The following P2RY12 variants were observed in gnomAD, a reference collection of about 807,000 sequenced individuals.
P2RY12 encodes purinergic receptor P2Y12, also known as P2Y purinoceptor 12.
In P2RY12, 3 loss-of-function variants were observed where a neutral mutation model predicts 4.5. The ratio of observed to expected loss-of-function variants is 0.67; its 90% CI spans 0.31 to 1.74. P2RY12 has a LOEUF of 1.74. P2RY12 is among the 40% of genes most tolerant of loss of function. P2RY12 has a pLI of 0.09. For synonymous variants in P2RY12, 148 were observed against 154.1 expected, an observed-to-expected ratio of 0.96 and a Z score of 0.29; for missense variants, 356 against 407.8, an observed-to-expected ratio of 0.87 and a Z score of 1.09.
chr3:151,380,751 C>G (rs1712159293), intron 1 of P2RY12, among the ~76,000 whole-genome samples: 1 of 152,170 alleles, frequency 6.6e-6, no homozygotes, highest in African/African-American at 2.4e-5. Context: ...TGTGTACTGC[C>G]TATAAAAGTA....
intron 1 of P2RY12, among the ~76,000 whole-genome samples, chr3:151,348,674 TTGTAA>T (rs1327579304): frequency 2.0e-5 from 3 of 152,072 alleles, no homozygotes; most frequent in African/African-American, 7.2e-5. Flanking sequence ...TGTTTATTTC[TTGTAA>T]TGTATAATAA....
intron 1 of P2RY12, among the ~76,000 whole-genome samples, chr3:151,373,597 A>G (rs1370894413): frequency 6.6e-6 from 1 of 151,116 alleles, no homozygotes; most frequent in Non-Finnish European, 1.5e-5. Flanking sequence ...TCCCTTCATA[A>G]TATCAGTTTG....
At chr3:151,353,399 T>C (rs997337152) in intron 1 of P2RY12, among the ~76,000 whole-genome samples, 1 of 152,220 alleles carries the variant, frequency 6.6e-6, no homozygotes, top group Admixed American at 6.5e-5. Flanking sequence ...CTTTTGAGAA[T>C]AGACATTGAA....
chr3:151,377,901 G>C (rs372555916), intron 1 of P2RY12: 1 of 1,061,194 alleles, frequency 9.4e-7, no homozygotes, highest in Non-Finnish European at 1.3e-6. Flanking sequence ...GGAAATTTTA[G>C]AACAGTCTGT....
rs759605986 is a variant in P2RY12, at chr3:151,338,171, A to C, written c.675T>G (p.Gly225=). ...CCTTTTTCCTGGGGACTTTACCTAC[A>C]CCCCTCGTTCTTACGTATGACCGGT... ...ELYRSYVRTR[G]VGKVPRKKVN... The change falls in exon 3 of 3, where the codon GGT becomes GGG. Residue 225 remains glycine (G), a synonymous_variant. Transcript: ENST00000302632. The C allele has an allele frequency of 6.2e-7, 1 of 1,613,868 alleles. No homozygotes were observed. The highest frequency in any genetic ancestry group is 1.3e-5 in the African/African-American group (1 of 74,886).
intron 1 of P2RY12, among the ~76,000 whole-genome samples, chr3:151,342,300 C>T (rs1751957155): frequency 6.6e-6 from 1 of 152,366 alleles, no homozygotes; most frequent in African/African-American, 2.4e-5. Context: ...GTGTCTCAAA[C>T]TGCAGTGTCC....
At chr3:151,383,695 C>A in intron 1 of P2RY12, 1 of 818,688 alleles carries the variant, frequency 1.2e-6, no homozygotes, top group Non-Finnish European at 1.9e-6. Context: ...AAATAAAAAA[C>A]AATCAAAATT....
rs939889566 is a variant in P2RY12, at chr3:151,360,699, C to T, written c.-179-19939G>A. On this transcript the variant is annotated intron_variant, in intron 1 of 2. Transcript: ENST00000302632. ...TTGTCATCCTTTTGAATAATGAAAGCTAATTGCAATTGTATCTATTAGGCA... is the reference window on the plus strand; with the variant it reads ...TTGTCATCCTTTTGAATAATGAAAGTTAATTGCAATTGTATCTATTAGGCA... 7.5e-6 allele frequency: 9 copies of T among 1,194,988 alleles called. No individual in the cohort carries two copies. In the Admixed American group the frequency reaches 2.1e-4, roughly 28 times the overall value. The allele number at this position is 1,194,988 out of a possible 1,614,324, so 74.0% of individuals were successfully genotyped here. A position where few individuals can be genotyped will look rare whatever the true frequency, so the allele number is the denominator to read the frequency against.
At chr3:151,367,781 A>G in intron 1 of P2RY12, 1 of 1,595,350 alleles carries the variant, frequency 6.3e-7, no homozygotes, top group African/African-American at 1.3e-5. Flanking sequence ...GGCAGCATCC[A>G]TGAACATCCG....
intron 1 of P2RY12, among the ~76,000 whole-genome samples, chr3:151,343,398 T>G (rs1752121959): frequency 6.6e-6 from 1 of 152,220 alleles, no homozygotes. Flanking sequence ...GTTCTTGATC[T>G]AAATTAACTT....
At chr3:151,382,223 C>G (rs951630895) in intron 1 of P2RY12, among the ~76,000 whole-genome samples, 1 of 152,024 alleles carries the variant, frequency 6.6e-6, no homozygotes, top group Non-Finnish European at 1.5e-5. Flanking sequence ...GATAGCAGAC[C>G]TTCTCTTCTA....
At chr3:151,341,789 C>T (rs1751867491) in intron 1 of P2RY12, among the ~76,000 whole-genome samples, 1 of 148,864 alleles carries the variant, frequency 6.7e-6, no homozygotes, top group African/African-American at 2.5e-5. Flanking sequence ...CATGTGTTCT[C>T]ATTGTTCAGT....
rs1345420919 is a variant in P2RY12 at position 151,338,709 on chromosome 3, G to A, written c.137C>T (p.Ala46Val). The change falls in exon 3 of 3, where the codon GCG (alanine) becomes GTG (valine). Residue 46 changes from alanine to valine, a missense_variant. Ala to Val is a moderately conservative substitution (Grantham distance 64). Transcript: ENST00000302632. ...CCGGATTTGAAAGAAAATCCTCATC[G>A]CCAGGCCATTTGTGATAAGTCCAAC... is the stretch of plus-strand genomic sequence containing the variant. ...FFVGLITNGL[A>V]MRIFFQIRSK... The A allele has an allele frequency of 1.6e-5, 26 of 1,613,346 alleles. No individual in the cohort carries two copies. The highest frequency in any genetic ancestry group is 3.3e-4 in the Middle Eastern group (2 of 6,082).
chr3:151,354,923 TAG>T (rs1753726669), intron 1 of P2RY12, among the ~76,000 whole-genome samples: 2 of 152,208 alleles, frequency 1.3e-5, no homozygotes, highest in South Asian at 4.1e-4. Context: ...GAGACATGCC[TAG>T]AGAGGCCTGA....
intron 1 of P2RY12, among the ~76,000 whole-genome samples, chr3:151,364,474 C>T (rs1261684805): frequency 6.6e-6 from 1 of 152,162 alleles, no homozygotes; most frequent in Non-Finnish European, 1.5e-5. Flanking sequence ...AAGGAATGTG[C>T]CTCTCTTTTT....
chr3:151,337,531 C>A lies in P2RY12; in HGVS notation c.*286G>T. The A allele has an allele frequency of 3.1e-6, 1 of 322,356 alleles. No individual in the cohort carries two copies. Among genetic ancestry groups the A allele is most frequent in the African/African-American group, 2.2e-5 (1 of 46,374 alleles). 20.0% of individuals were successfully genotyped at this position (322,356 alleles called of 1,614,324 possible). On this transcript the variant is annotated 3_prime_UTR_variant, in exon 3 of 3. Transcript: ENST00000302632. ...AATATTATATGATTACTCATTTTGGCAAAACTCTGCAAAACATGAATTCTG... is the reference window on the plus strand; with the variant it reads ...AATATTATATGATTACTCATTTTGGAAAAACTCTGCAAAACATGAATTCTG...
chr3:151,368,314 C>A, intron 1 of P2RY12: 3 of 1,390,836 alleles, frequency 2.2e-6, no homozygotes, highest in Non-Finnish European at 3.1e-6. Context: ...CTAAAATGAC[C>A]AAATAGGCTG....
chr3:151,366,037 TTTAG>T (rs776498116), intron 1 of P2RY12: 174 of 1,418,884 alleles, frequency 1.2e-4, no homozygotes, highest in East Asian at 1.4e-4. Context: ...CAATTAAATA[TTTAG>T]TTAGTGGGTA....
chr3:151,381,995 C>T (rs942689763), intron 1 of P2RY12, among the ~76,000 whole-genome samples: 2 of 152,118 alleles, frequency 1.3e-5, no homozygotes, highest in Non-Finnish European at 2.9e-5. Flanking sequence ...TTTTGAATTG[C>T]ACTTTTTTTT....
Sources: gnomAD v4.1 joint callset for allele counts (sites outside exome capture counted in the v4.1 genomes callset) on GRCh38, gnomAD v4.1.1 for gene constraint, MANE v1.5 for transcripts, NCBI Gene and HGNC (gene_info 2026-07-23, HGNC 2026-07-21) for gene names.